PCCA: variants seen among roughly 807,000 people sequenced by gnomAD.
PCCA encodes the protein propionyl-CoA carboxylase alpha chain, mitochondrial.
Under a neutral mutation model 101.3 loss-of-function variants are expected in PCCA, and 74 were observed. That is an observed-to-expected ratio of 0.73 (90% CI 0.61 to 0.89). The LOEUF is 0.89. PCCA is among the 40% of genes least tolerant of loss of function. PCCA has a pLI of 0.00. For synonymous variants in PCCA, 294 were observed against 313.6 expected (o/e 0.94, Z 0.66); for missense variants, 891 against 907.0 (o/e 0.98, Z 0.23).
At chr13:100,281,565 T>G (rs1485476310) in intron 12 of PCCA, among the ~76,000 whole-genome samples, 1 of 152,186 alleles carries the variant, frequency 6.6e-6, no homozygotes, top group Non-Finnish European at 1.5e-5. Context: ...TGAATGGTAA[T>G]ACTCAGAATT....
At chr13:100,100,791 T>C (rs919228543) in intron 1 of PCCA, among the ~76,000 whole-genome samples, 12 of 151,800 alleles carry the variant, frequency 7.9e-5, no homozygotes, top group East Asian at 3.9e-4. Flanking sequence ...CTTCTTCTTT[T>C]TTTTTTTTTT....
intron 21 of PCCA, among the ~76,000 whole-genome samples, chr13:100,460,783 G>A (rs186737459): frequency 1.1e-4 from 17 of 152,260 alleles, no homozygotes; most frequent in African/African-American, 3.9e-4. Context: ...AAGTAACAGC[G>A]ATTAATGACA....
intron 2 of PCCA, among the ~76,000 whole-genome samples, chr13:100,105,058 A>G (rs2047628248): frequency 6.6e-6 from 1 of 152,188 alleles, no homozygotes; most frequent in Non-Finnish European, 1.5e-5. Flanking sequence ...AAAATTAATA[A>G]TATCTCAATA....
At chr13:100,321,844 A>T (rs2390383) in intron 16 of PCCA, among the ~76,000 whole-genome samples, 4 of 151,760 alleles carry the variant, frequency 2.6e-5, no homozygotes, top group African/African-American at 9.7e-5. Context: ...CTCTTGAGTC[A>T]GGAACAGAAA....
In PCCA at chr13:100,194,727, A is replaced by T. The variant is rs2057997263; in HGVS notation, c.469-14605A>T. Among the ~76,000 whole-genome samples the T allele has an allele frequency of 2.0e-5, 3 of 152,174 alleles. No homozygotes were observed. The South Asian group carries it at 6.2e-4, about 31-fold the overall frequency. Reference sequence around the variant, plus strand: ...AGCCACTGCGCCCGGCCGTAAAATTAAATTTAATATCTGATCTGACGGACT... The same window carrying T: ...AGCCACTGCGCCCGGCCGTAAAATTTAATTTAATATCTGATCTGACGGACT... On this transcript the variant is annotated intron_variant, in intron 6 of 23. Transcript: ENST00000376285.
intron 22 of PCCA, chr13:100,527,426 G>A (rs568135301): frequency 4.0e-5 from 22 of 553,312 alleles, no homozygotes; most frequent in South Asian, 1.1e-4. Flanking sequence ...AGGCCCCGCC[G>A]CCAGGGTCCC....
At chr13:100,271,013 AC>A (rs1160640915) in intron 11 of PCCA, among the ~76,000 whole-genome samples, 1 of 150,972 alleles carries the variant, frequency 6.6e-6, no homozygotes, top group Non-Finnish European at 1.5e-5. Context: ...GTTCTCCCCC[AC>A]CCCCCGAAAA....
intron 22 of PCCA, 99 bp downstream of exon 22, chr13:100,515,666 TCTTA>T: frequency 2.7e-6 from 4 of 1,467,640 alleles, no homozygotes; most frequent in East Asian, 2.3e-5. Context: ...TCTTTGCAGT[TCTTA>T]CTTAACCGAC....
chr13:100,129,282 T>G (rs779759759), intron 4 of PCCA, among the ~76,000 whole-genome samples: 1 of 152,368 alleles, frequency 6.6e-6, no homozygotes, highest in Middle Eastern at 3.4e-3. Flanking sequence ...TCTTTTAATC[T>G]TTTAGACTGA....
At chr13:100,335,766 G>A (rs2070350120) in intron 17 of PCCA, among the ~76,000 whole-genome samples, 2 of 152,136 alleles carry the variant, frequency 1.3e-5, no homozygotes, top group African/African-American at 4.8e-5. Flanking sequence ...CCAGGGGACT[G>A]GCAGGCAGAC....
chr13:100,186,635 A>G (rs199581482), intron 6 of PCCA, among the ~76,000 whole-genome samples: 1 of 151,128 alleles, frequency 6.6e-6, no homozygotes, highest in African/African-American at 2.4e-5. Context: ...CCAGCTACTC[A>G]GGAGGCTGAG....
At chr13:100,163,153 T>G (rs1186151454) in intron 6 of PCCA, among the ~76,000 whole-genome samples, 2 of 152,170 alleles carry the variant, frequency 1.3e-5, no homozygotes, top group Non-Finnish European at 2.9e-5. Flanking sequence ...TTAGGGCTTG[T>G]GGGATTTTGG....
In PCCA at chr13:100,275,112, T is replaced by C. The variant is rs866988520; in HGVS notation, c.1065+1766T>C. Among the ~76,000 whole-genome samples, 5 of 152,212 alleles carry C rather than the reference T, an allele frequency of 3.3e-5. 1 individual carries two copies. Among genetic ancestry groups the C allele is most frequent in the Middle Eastern group, 6.8e-3 (2 of 294 alleles). ...GCATGAGCTGGGTCGAGCTTAAGCC[T>C]TCCTGCAGTGGTTTTCTCACGTGCA... On this transcript the variant is annotated intron_variant, in intron 12 of 23. Coordinates refer to ENST00000376285, the MANE Select transcript of PCCA (RefSeq NM_000282.4).
At chr13:100,195,969 TA>T (rs1566681254) in intron 6 of PCCA, among the ~76,000 whole-genome samples, 1 of 151,890 alleles carries the variant, frequency 6.6e-6, no homozygotes, top group Admixed American at 6.6e-5. Context: ...TACAGGGAAA[TA>T]AAAAGAAAAA....
At chr13:100,275,515 G>T (rs927696460) in intron 12 of PCCA, among the ~76,000 whole-genome samples, 1 of 152,118 alleles carries the variant, frequency 6.6e-6, no homozygotes, top group Non-Finnish European at 1.5e-5. Flanking sequence ...GACAGTTCAC[G>T]TGTGCCTCTG....
chr13:100,497,622 C>G (rs1169588508), intron 21 of PCCA, among the ~76,000 whole-genome samples: 2 of 152,118 alleles, frequency 1.3e-5, no homozygotes, highest in African/African-American at 4.8e-5. Context: ...AAGTCATTTC[C>G]TCTGTTCTTC....
At chr13:100,440,159 TA>T (rs1566307932) in intron 20 of PCCA, among the ~76,000 whole-genome samples, 1 of 1,536 alleles carries the variant, frequency 6.5e-4, no homozygotes, top group African/African-American at 7.2e-3. Context: ...TATTAAATTA[TA>T]TATATATATA....
intron 18 of PCCA, among the ~76,000 whole-genome samples, chr13:100,362,978 G>C (rs72658573): frequency 0.013 from 2,026 of 152,230 alleles, 15 homozygotes; most frequent in Non-Finnish European, 0.019. Flanking sequence ...TTGGAGTGTT[G>C]TAAGTTCTCA....
At chr13:100,402,943 G>C (rs2077455013) in intron 19 of PCCA, among the ~76,000 whole-genome samples, 1 of 152,038 alleles carries the variant, frequency 6.6e-6, no homozygotes, top group African/African-American at 2.4e-5. Flanking sequence ...AAATTGAAAT[G>C]ATAGTTAGAT....
Sources: allele counts gnomAD v4.1 joint callset (sites outside exome capture counted in the v4.1 genomes callset), GRCh38; gene constraint gnomAD v4.1.1; transcripts MANE v1.5; gene names NCBI Gene and HGNC (gene_info 2026-07-23, HGNC 2026-07-21).